Variants in RSRC1 observed in about 807,000 individuals in gnomAD.
RSRC1 encodes serine/Arginine-related protein 53.
Under a neutral mutation model 49.1 loss-of-function variants are expected in RSRC1, and 39 were observed. That is an observed-to-expected ratio of 0.79 (90% CI 0.61 to 1.04). RSRC1 has a LOEUF of 1.04. RSRC1 is among the 50% of genes least tolerant of loss of function. The pLI is 0.00. For synonymous variants in RSRC1, 143 were observed against 130.8 expected, an observed-to-expected ratio of 1.09 and a Z score of -0.63; for missense variants, 388 against 402.4, an observed-to-expected ratio of 0.96 and a Z score of 0.31.
intron 7 of RSRC1, among the ~76,000 whole-genome samples, chr3:158,466,893 C>T (rs915453863): frequency 3.8e-4 from 58 of 152,050 alleles, no homozygotes; most frequent in African/African-American, 1.4e-3. Context: ...GAGACCCTGT[C>T]TCAAAAAGAA....
At chr3:158,198,627 C>T (rs934301949) in intron 3 of RSRC1, among the ~76,000 whole-genome samples, 9 of 152,118 alleles carry the variant, frequency 5.9e-5, no homozygotes, top group East Asian at 5.8e-4. Context: ...GTGGCTGGTA[C>T]CGGTTGTTCC....
chr3:158,140,590 A>G (rs971360259), intron 3 of RSRC1, among the ~76,000 whole-genome samples: 1 of 152,190 alleles, frequency 6.6e-6, no homozygotes, highest in Non-Finnish European at 1.5e-5. Flanking sequence ...TTCAGATCTA[A>G]TGTAAATTTA....
chr3:158,305,314 T>G (rs1322924436), intron 5 of RSRC1, among the ~76,000 whole-genome samples: 2 of 152,154 alleles, frequency 1.3e-5, no homozygotes, highest in African/African-American at 2.4e-5. Flanking sequence ...CTCAGAATTA[T>G]GTTTAATATA....
intron 4 of RSRC1, among the ~76,000 whole-genome samples, chr3:158,296,856 A>G (rs1219202648): frequency 6.6e-6 from 1 of 152,092 alleles, no homozygotes. Context: ...ATTTACTCTA[A>G]TATGTCAGAC....
At chr3:158,365,846 G>A (rs1731733839) in intron 6 of RSRC1, among the ~76,000 whole-genome samples, 2 of 152,120 alleles carry the variant, frequency 1.3e-5, no homozygotes, top group South Asian at 2.1e-4. Context: ...CATTCTAACT[G>A]GCATGAGATG....
intron 7 of RSRC1, among the ~76,000 whole-genome samples, chr3:158,506,005 A>G (rs9859129): frequency 0.52 from 78,705 of 151,836 alleles, 20,865 homozygotes; most frequent in African/African-American, 0.63. Context: ...ATTTGTTAGC[A>G]CTACTGGGGA....
chr3:158,132,148 T>G (rs1391497733), intron 3 of RSRC1: 1 of 449,962 alleles, frequency 2.2e-6, no homozygotes, highest in Admixed American at 2.4e-5. Context: ...CACACCCAAC[T>G]ATGATTTTTG....
chr3:158,260,223 A>G (rs1367971776), intron 4 of RSRC1, among the ~76,000 whole-genome samples: 1 of 152,160 alleles, frequency 6.6e-6, no homozygotes, highest in East Asian at 1.9e-4. Context: ...AGTCTCACCC[A>G]AGACCTGTAG....
At chr3:158,475,108 G>A (rs957042457) in intron 7 of RSRC1, among the ~76,000 whole-genome samples, 1 of 151,782 alleles carries the variant, frequency 6.6e-6, no homozygotes, top group Non-Finnish European at 1.5e-5. Context: ...TTTTTTTGTA[G>A]ACATGAGGTC....
At chr3:158,509,912 C>T (rs1186057605) in intron 7 of RSRC1, among the ~76,000 whole-genome samples, 1 of 152,182 alleles carries the variant, frequency 6.6e-6, no homozygotes, top group Non-Finnish European at 1.5e-5. Context: ...TCCTGGTACA[C>T]ATGTGCAAGT....
intron 4 of RSRC1, among the ~76,000 whole-genome samples, chr3:158,258,839 G>C (rs1724725797): frequency 6.6e-6 from 1 of 151,828 alleles, no homozygotes; most frequent in East Asian, 1.9e-4. Context: ...AAGAGACTCT[G>C]GTGCATTTCT....
chr3:158,254,007 C>G (rs776927852), intron 4 of RSRC1, among the ~76,000 whole-genome samples: 12 of 152,102 alleles, frequency 7.9e-5, no homozygotes, highest in Non-Finnish European at 1.5e-4. Context: ...TAAGTGAGAA[C>G]GTGCAGTGTT....
At chr3:158,256,974 A>G (rs1724599607) in intron 4 of RSRC1, among the ~76,000 whole-genome samples, 1 of 151,948 alleles carries the variant, frequency 6.6e-6, no homozygotes, top group African/African-American at 2.4e-5. Flanking sequence ...CTTCTTTAAT[A>G]GTCTTGCTAG....
chr3:158,466,133 G>A (rs1030176867), intron 7 of RSRC1, among the ~76,000 whole-genome samples: 1 of 152,060 alleles, frequency 6.6e-6, no homozygotes, highest in South Asian at 2.1e-4. Context: ...CTCAGTTTCA[G>A]CGATTCCAGT....
intron 4 of RSRC1, among the ~76,000 whole-genome samples, chr3:158,244,003 G>C (rs909953053): frequency 7.1e-6 from 1 of 140,094 alleles, no homozygotes; most frequent in African/African-American, 2.7e-5. Flanking sequence ...AGCAAAGATA[G>C]TTTGAGTTCC....
chr3:158,516,802 G>T (rs553712840), intron 7 of RSRC1, among the ~76,000 whole-genome samples: 4 of 152,330 alleles, frequency 2.6e-5, no homozygotes, highest in African/African-American at 9.6e-5. Context: ...CTCCTGGTGC[G>T]CTATTTTTTA....
intron 4 of RSRC1, among the ~76,000 whole-genome samples, chr3:158,254,885 C>T (rs535115999): frequency 1.3e-5 from 2 of 152,260 alleles, no homozygotes; most frequent in East Asian, 3.9e-4. Flanking sequence ...AGTGTCTATT[C>T]ATATCCTCTA....
At chr3:158,386,487 A>G (rs956187428) in intron 6 of RSRC1, among the ~76,000 whole-genome samples, 10 of 152,254 alleles carry the variant, frequency 6.6e-5, no homozygotes, top group Middle Eastern at 3.4e-3. Flanking sequence ...AAGCTCTTTA[A>G]TAGACGAATA....
intron 4 of RSRC1, among the ~76,000 whole-genome samples, chr3:158,284,943 G>C (rs1382802709): frequency 2.0e-5 from 3 of 152,040 alleles, no homozygotes; most frequent in Non-Finnish European, 4.4e-5. Context: ...ATTGCTTTTG[G>C]TGTTTTAGAC....
Sources: allele counts gnomAD v4.1 joint callset (sites outside exome capture counted in the v4.1 genomes callset), GRCh38; gene constraint gnomAD v4.1.1; transcripts MANE v1.5; gene names NCBI Gene and HGNC (gene_info 2026-07-23, HGNC 2026-07-21).